The following PDGFC variants were observed in gnomAD, a reference collection of about 807,000 sequenced individuals.
The protein encoded by PDGFC is platelet-derived growth factor C.
In PDGFC, 12 loss-of-function variants were observed where a neutral mutation model predicts 35.5. The ratio of observed to expected loss-of-function variants is 0.34; its 90% confidence interval spans 0.22 to 0.55. The LOEUF (loss-of-function observed/expected upper bound fraction) is 0.55. Ranked by LOEUF, PDGFC falls within the 20% of genes least tolerant of loss-of-function variation. PDGFC has a pLI of 0.91. For missense variants in PDGFC, 322 were observed against 412.4 expected, an observed-to-expected ratio of 0.78 and a Z score of 1.90; for synonymous variants, 159 against 148.8, an observed-to-expected ratio of 1.07 and a Z score of -0.50.
intron 2 of PDGFC, among the ~76,000 whole-genome samples, chr4:156,849,429 G>A (rs1195881265): frequency 2.0e-5 from 3 of 151,938 alleles, no homozygotes; most frequent in Non-Finnish European, 4.4e-5. Flanking sequence ...CTTTTAACTT[G>A]TATATCAAAG....
intron 2 of PDGFC, among the ~76,000 whole-genome samples, chr4:156,815,586 G>C (rs561620480): frequency 6.6e-6 from 1 of 152,274 alleles, no homozygotes; most frequent in East Asian, 1.9e-4. Flanking sequence ...AGAATGAAGA[G>C]AGAAAACAAT....
chr4:156,826,576 TAATC>T (rs886963560), intron 2 of PDGFC, among the ~76,000 whole-genome samples: 2 of 152,212 alleles, frequency 1.3e-5, no homozygotes, highest in Non-Finnish European at 2.9e-5. Context: ...ATTTTACAAT[TAATC>T]AAGGCATCTT....
chr4:156,791,115 C>A (rs1731290019), intron 3 of PDGFC, among the ~76,000 whole-genome samples: 1 of 152,132 alleles, frequency 6.6e-6, no homozygotes, highest in Non-Finnish European at 1.5e-5. Context: ...TTTTCCCAGC[C>A]AGTACTACTT....
chr4:156,919,484 C>A (rs144663168), intron 1 of PDGFC, among the ~76,000 whole-genome samples: 11 of 41,316 alleles, frequency 2.7e-4, no homozygotes, highest in African/African-American at 9.6e-4. Flanking sequence ...TTTTCTCACA[C>A]GCATTTTTTC....
At chr4:156,932,758 A>AG (rs1398195480) in intron 1 of PDGFC, among the ~76,000 whole-genome samples, 1 of 51,576 alleles carries the variant, frequency 1.9e-5, no homozygotes, top group Non-Finnish European at 3.7e-5. Context: ...GGGTGGGGGG[A>AG]GGGGGGAGGG....
chr4:156,967,245 C>G (rs1326856571), intron 1 of PDGFC: 3 of 151,966 alleles, frequency 2.0e-5, no homozygotes, highest in Non-Finnish European at 4.4e-5. Flanking sequence ...GGACTGGGCA[C>G]CTTTTTTAAT....
At chr4:156,853,212 C>G (rs957582093) in intron 1 of PDGFC, among the ~76,000 whole-genome samples, 7 of 152,138 alleles carry the variant, frequency 4.6e-5, no homozygotes, top group African/African-American at 1.7e-4. Context: ...GTAACTGCAG[C>G]TACTTTTCAT....
intron 1 of PDGFC, among the ~76,000 whole-genome samples, chr4:156,853,259 T>C (rs1182640576): frequency 6.6e-6 from 1 of 152,220 alleles, no homozygotes; most frequent in Non-Finnish European, 1.5e-5. Context: ...TTAACATTAT[T>C]TCACATTAAT....
chr4:156,886,595 C>T (rs1417091838), intron 1 of PDGFC: 3 of 152,182 alleles, frequency 2.0e-5, no homozygotes, highest in Admixed American at 6.5e-5. Flanking sequence ...TCATGAAGGT[C>T]GAACATGCCC....
rs776422012 is a variant in PDGFC at position 156,772,858 on chromosome 4, G to A, written c.531C>T (p.Pro177=). ...FTEAVSPSVL[P]PSALPLDLLN... ...GCAGGTCCAGTGGCAAAGCTGAAGG[G>A]GGTAGCACTGAAGGACTCACAGCTT... Residue 177 remains proline (P), a synonymous_variant, in exon 4 of 6, where the codon CCC becomes CCT. Coordinates refer to ENST00000502773, the MANE Select transcript of PDGFC (RefSeq NM_016205.3). The A allele has an allele frequency of 3.7e-6, 6 of 1,613,128 alleles. No individual in the cohort carries two copies. The African/African-American group carries it at 8.0e-5, about 22-fold the overall frequency.
intron 1 of PDGFC, among the ~76,000 whole-genome samples, chr4:156,894,666 T>C (rs1254717598): frequency 6.6e-6 from 1 of 152,124 alleles, no homozygotes; most frequent in Non-Finnish European, 1.5e-5. Flanking sequence ...GAAGATAAAA[T>C]TGACAGCATG....
chr4:156,862,713 T>TTA (rs1281071788), intron 1 of PDGFC, among the ~76,000 whole-genome samples: 52 of 146,600 alleles, frequency 3.5e-4, no homozygotes, highest in Non-Finnish European at 6.0e-4. Flanking sequence ...ACAAACATCT[T>TTA]TATCTCTCTC....
chr4:156,779,020 C>A, intron 3 of PDGFC: 1 of 366,200 alleles, frequency 2.7e-6, no homozygotes. Context: ...TGGGTAACAT[C>A]ACTTCTTAAA....
chr4:156,947,166 G>A (rs1302033883), intron 1 of PDGFC, among the ~76,000 whole-genome samples: 1 of 151,918 alleles, frequency 6.6e-6, no homozygotes, highest in African/African-American at 2.4e-5. Flanking sequence ...AGACTAAAAG[G>A]GGTAAAAGCA....
Position 156,933,518 on chromosome 4 carries a change from C to T in PDGFC, c.118+37268G>A, listed in dbSNP as rs114487720. Among the ~76,000 whole-genome samples, 877 of 152,254 alleles carry T rather than the reference C, an allele frequency of 5.8e-3. 8 individuals carry two copies. The highest frequency in any genetic ancestry group is 0.02 in the African/African-American group (825 of 41,546). On this transcript the variant is annotated intron_variant, in intron 1 of 5. Transcript: ENST00000502773. ...CATCCTTTCTGCAGCATATTTAGTGCTAGGTTGTTCTCAATTTTTTGCTAT... is the reference window on the plus strand; with the variant it reads ...CATCCTTTCTGCAGCATATTTAGTGTTAGGTTGTTCTCAATTTTTTGCTAT...
At chr4:156,956,591 A>G (rs1209177351) in intron 1 of PDGFC, among the ~76,000 whole-genome samples, 1 of 152,036 alleles carries the variant, frequency 6.6e-6, no homozygotes, top group African/African-American at 2.4e-5. Context: ...AGGAAGAATA[A>G]GAACACTTTG....
At chr4:156,895,278 T>C in intron 1 of PDGFC, among the ~76,000 whole-genome samples, 1 of 152,312 alleles carries the variant, frequency 6.6e-6, no homozygotes. Flanking sequence ...ACACAAATTC[T>C]ATATGATATA....
At chr4:156,794,523 A>AAGGG (rs1456712428) in intron 3 of PDGFC, among the ~76,000 whole-genome samples, 3 of 151,962 alleles carry the variant, frequency 2.0e-5, no homozygotes, top group Non-Finnish European at 4.4e-5. Flanking sequence ...AAGAAAAAAG[A>AAGGG]AGGGAGGGAG....
At chr4:156,956,196 G>A (rs1463584469) in intron 1 of PDGFC, among the ~76,000 whole-genome samples, 1 of 152,028 alleles carries the variant, frequency 6.6e-6, no homozygotes. Flanking sequence ...AATACATGGA[G>A]TTAGGAAAGT....
Sources: allele counts gnomAD v4.1 joint callset (sites outside exome capture counted in the v4.1 genomes callset), GRCh38; gene constraint gnomAD v4.1.1; transcripts MANE v1.5; gene names NCBI Gene and HGNC (gene_info 2026-07-23, HGNC 2026-07-21).